Variants in CAMK1D observed in about 807,000 individuals in gnomAD.
CAMK1D encodes calcium/calmodulin-dependent protein kinase type 1D.
In CAMK1D, 9 loss-of-function variants were observed where a neutral mutation model predicts 47.7. That is an observed-to-expected ratio of 0.19 (90% CI 0.11 to 0.33). The LOEUF (loss-of-function observed/expected upper bound fraction) is 0.33. CAMK1D is among the 10% of genes least tolerant of loss of function. The pLI, the probability that CAMK1D is intolerant of heterozygous loss-of-function variation, is 1.00. For synonymous variants in CAMK1D, 184 were observed against 184.9 expected, an observed-to-expected ratio of 0.99 and a Z score of 0.04; for missense variants, 291 against 488.7, an observed-to-expected ratio of 0.60 and a Z score of 3.81.
Position 12,735,487 on chromosome 10 carries a change from A to G in CAMK1D, c.300-25461A>G, listed in dbSNP as rs530041253. ...AGCGAGACTCCGTCTCAAAAAAAAAAGAAAAGAAAGTATCTTTTTTTCAAT... is the reference window on the plus strand; with the variant it reads ...AGCGAGACTCCGTCTCAAAAAAAAAGGAAAAGAAAGTATCTTTTTTTCAAT... On this transcript the variant is annotated intron_variant, in intron 3 of 10. Coordinates refer to ENST00000619168, the MANE Select transcript of CAMK1D (RefSeq NM_153498.4). Among the ~76,000 whole-genome samples the G allele has an allele frequency of 1.1e-4, 17 of 152,280 alleles. No homozygotes were observed. In the East Asian group the frequency reaches 2.9e-3, roughly 26 times the overall value.
chr10:12,467,828 G>A (rs1046207199), intron 1 of CAMK1D, among the ~76,000 whole-genome samples: 1 of 152,176 alleles, frequency 6.6e-6, no homozygotes, highest in Non-Finnish European at 1.5e-5. Flanking sequence ...TTGTTCACAT[G>A]AGGTTTACAA....
chr10:12,476,957 A>G (rs1833920698), intron 1 of CAMK1D, among the ~76,000 whole-genome samples: 1 of 152,180 alleles, frequency 6.6e-6, no homozygotes, highest in African/African-American at 2.4e-5. Context: ...GTTTACTGGC[A>G]GGTAACTTGC....
intron 3 of CAMK1D, among the ~76,000 whole-genome samples, chr10:12,688,200 A>G (rs999547531): frequency 2.6e-5 from 4 of 152,094 alleles, no homozygotes; most frequent in Non-Finnish European, 5.9e-5. Flanking sequence ...TTAAGGACCT[A>G]TTTAGTTCTT....
At chr10:12,811,294 A>G (rs916249646) in intron 6 of CAMK1D, among the ~76,000 whole-genome samples, 2 of 152,126 alleles carry the variant, frequency 1.3e-5, no homozygotes, top group Non-Finnish European at 2.9e-5. Flanking sequence ...GGGCGGCCCC[A>G]TGGTCACAGA....
At chr10:12,653,849 C>A (rs45497694) in intron 2 of CAMK1D, among the ~76,000 whole-genome samples, 7,827 of 152,254 alleles carry the variant, frequency 0.051, 241 homozygotes, top group Middle Eastern at 0.071. Flanking sequence ...GTTCCTGATG[C>A]TTCATTATCT....
chr10:12,763,347 C>T (rs564377205), intron 4 of CAMK1D, among the ~76,000 whole-genome samples: 13 of 152,340 alleles, frequency 8.5e-5, no homozygotes, highest in Admixed American at 4.6e-4. Context: ...AAGCTTAGTG[C>T]AGCAATCGGA....
intron 1 of CAMK1D, among the ~76,000 whole-genome samples, chr10:12,384,675 TA>T (rs1838439488): frequency 1.3e-5 from 2 of 152,204 alleles, no homozygotes; most frequent in Non-Finnish European, 2.9e-5. Context: ...ACACTGTATG[TA>T]AAAATTAACT....
chr10:12,656,757 A>T (rs1840127599), intron 2 of CAMK1D, among the ~76,000 whole-genome samples: 1 of 152,202 alleles, frequency 6.6e-6, no homozygotes, highest in South Asian at 2.1e-4. Context: ...GAAGCTTAGG[A>T]TTTTGAATTC....
At chr10:12,727,268 A>G (rs1297890455) in intron 3 of CAMK1D, among the ~76,000 whole-genome samples, 3 of 152,228 alleles carry the variant, frequency 2.0e-5, no homozygotes, top group East Asian at 1.9e-4. Flanking sequence ...AAGTGTTAAG[A>G]AGGTTATGAC....
chr10:12,496,375 G>A (rs550966146), intron 1 of CAMK1D, among the ~76,000 whole-genome samples: 299 of 152,238 alleles, frequency 2.0e-3, no homozygotes, highest in African/African-American at 6.2e-3. Flanking sequence ...TCTTCATGGC[G>A]TCTGGGACCC....
At position 12,435,411 on chromosome 10, in the gene CAMK1D, T is replaced by C. The variant is rs61847410; in HGVS notation, c.92+85501T>C. 8.5e-3 allele frequency among the ~76,000 whole-genome samples: 1,286 copies of C among 151,974 alleles called. 7 individuals carry two copies. The highest frequency in any genetic ancestry group is 0.013 in the Non-Finnish European group (878 of 67,968). On this transcript the variant is annotated intron_variant, in intron 1 of 10. Coordinates refer to ENST00000619168, the MANE Select transcript of CAMK1D (RefSeq NM_153498.4). ...CTGCTCAGCACCTCATTTCCATCAA[T>C]TGCACTTCCCTGCTTGTTTTGGAAG...
chr10:12,382,836 C>CA (rs780124485), intron 1 of CAMK1D, among the ~76,000 whole-genome samples: 5 of 152,206 alleles, frequency 3.3e-5, no homozygotes, highest in Non-Finnish European at 7.4e-5. Context: ...AACAAACAAA[C>CA]AAACAAACAT....
At chr10:12,633,017 A>G (rs1839423923) in intron 2 of CAMK1D, among the ~76,000 whole-genome samples, 1 of 152,068 alleles carries the variant, frequency 6.6e-6, no homozygotes, top group Non-Finnish European at 1.5e-5. Flanking sequence ...ATGCTGCCTC[A>G]TGCTCAGGTT....
intron 1 of CAMK1D, among the ~76,000 whole-genome samples, chr10:12,544,841 G>T (rs1836311227): frequency 6.6e-6 from 1 of 152,104 alleles, no homozygotes. Flanking sequence ...TAAGTGGATA[G>T]TACTAGTGTT....
intron 2 of CAMK1D, among the ~76,000 whole-genome samples, chr10:12,596,800 G>A (rs1442043640): frequency 6.6e-6 from 1 of 151,888 alleles, no homozygotes; most frequent in African/African-American, 2.4e-5. Flanking sequence ...ACTCCTCCTG[G>A]CCTCCAGTCC....
Position 12,761,073 on chromosome 10 carries a change from A to G in CAMK1D, c.425A>G (p.His142Arg). The G allele has an allele frequency of 6.2e-7, 1 of 1,614,076 alleles. No individual in the cohort carries two copies. The highest frequency in any genetic ancestry group is 8.5e-7 in the Non-Finnish European group (1 of 1,179,954). The change falls in exon 4 of 11, where the codon CAC (histidine) becomes CGC (arginine). Residue 142 changes from histidine to arginine, a missense_variant. By Grantham distance (29) the His-to-Arg change is conservative. Transcript: ENST00000619168. The stretch of plus-strand genomic sequence containing the variant: ...TATCTCCACAGAATGGGCATCGTCC[A>G]CAGAGACCTCAAGGTGAGGCCATCG... ...VYYLHRMGIV[H>R]RDLKPENLLY... is the part of the protein sequence containing the mutation.
intron 3 of CAMK1D, among the ~76,000 whole-genome samples, chr10:12,678,213 C>G (rs1283459037): frequency 6.6e-6 from 1 of 151,974 alleles, no homozygotes; most frequent in Non-Finnish European, 1.5e-5. Context: ...TTTTATTTAT[C>G]TTAAGATATT....
chr10:12,694,784 A>G (rs1239412948), intron 3 of CAMK1D, among the ~76,000 whole-genome samples: 1 of 151,632 alleles, frequency 6.6e-6, no homozygotes, highest in African/African-American at 2.4e-5. Context: ...CTACAAAGGA[A>G]CAGGCATTAG....
intron 1 of CAMK1D, among the ~76,000 whole-genome samples, chr10:12,533,186 C>G (rs1835863988): frequency 6.6e-6 from 1 of 152,112 alleles, no homozygotes; most frequent in Admixed American, 6.5e-5. Context: ...TCTCATTTAC[C>G]CCATAAATAT....
Sources: allele counts gnomAD v4.1 joint callset (sites outside exome capture counted in the v4.1 genomes callset), GRCh38; gene constraint gnomAD v4.1.1; transcripts MANE v1.5; gene names NCBI Gene and HGNC (gene_info 2026-07-23, HGNC 2026-07-21).